EML6: variants seen among roughly 807,000 people sequenced by gnomAD.
The protein encoded by EML6 is EMAP like 6, also known as echinoderm microtubule-associated protein-like 6.
Under a neutral mutation model 240.1 loss-of-function variants are expected in EML6, and 154 were observed. The observed-to-expected ratio is 0.64, with a 90% CI of 0.56 to 0.73. EML6 has a LOEUF of 0.73. EML6 is among the 30% of genes least tolerant of loss of function. The pLI, the probability that EML6 is intolerant of heterozygous loss-of-function variation, is 0.00. For synonymous variants in EML6, 1,148 were observed against 899.0 expected, an observed-to-expected ratio of 1.28 and a Z score of -4.95; for missense variants, 2,964 against 2,474.6, an observed-to-expected ratio of 1.20 and a Z score of -4.20.
chr2:54,878,798 A>T (rs1229156355), intron 16 of EML6, among the ~76,000 whole-genome samples: 1 of 152,190 alleles, frequency 6.6e-6, no homozygotes, highest in Non-Finnish European at 1.5e-5. Context: ...AATGTTCATG[A>T]TATAATAGAT....
At position 54,790,590 on chromosome 2, in the gene EML6, T is replaced by C. The variant is rs529923843; in HGVS notation, c.198-22642T>C. Reference sequence around the variant, plus strand: ...ATTTGGAAGCCAAGGACCTACATTTTAATAGACTTAGAAGCAAGAAACTGG... The same window carrying C: ...ATTTGGAAGCCAAGGACCTACATTTCAATAGACTTAGAAGCAAGAAACTGG... On this transcript the variant is annotated intron_variant, in intron 2 of 41. Coordinates refer to ENST00000356458, the MANE Select transcript of EML6 (RefSeq NM_001039753.4). Among the ~76,000 whole-genome samples, 3 of 152,290 alleles carry C rather than the reference T, an allele frequency of 2.0e-5. No homozygotes were observed. In the East Asian group the frequency reaches 5.8e-4, roughly 29 times the overall value.
intron 26 of EML6, among the ~76,000 whole-genome samples, chr2:54,921,602 C>G (rs1312515862): frequency 6.6e-6 from 1 of 151,850 alleles, no homozygotes; most frequent in African/African-American, 2.4e-5. Context: ...TATGTAACCA[C>G]AAAAAACCTG....
At chr2:54,952,206 T>C (rs554770339) in intron 30 of EML6, among the ~76,000 whole-genome samples, 61 of 152,282 alleles carry the variant, frequency 4.0e-4, no homozygotes, top group African/African-American at 1.4e-3. Flanking sequence ...CCTCCACCCC[T>C]ACTTCTGCCC....
At chr2:54,884,785 T>C (rs984583307) in intron 17 of EML6, among the ~76,000 whole-genome samples, 11 of 152,248 alleles carry the variant, frequency 7.2e-5, no homozygotes, top group Non-Finnish European at 1.0e-4. Context: ...CTAGGAAATA[T>C]AATTTTCTGT....
intron 2 of EML6, among the ~76,000 whole-genome samples, chr2:54,801,755 A>C (rs2578716): frequency 6.6e-6 from 1 of 152,148 alleles, no homozygotes; most frequent in East Asian, 1.9e-4. Context: ...CAAAACCAAC[A>C]TCACAAACGT....
chr2:54,745,581 A>G (rs1683876035), intron 2 of EML6, among the ~76,000 whole-genome samples: 1 of 152,170 alleles, frequency 6.6e-6, no homozygotes, highest in Admixed American at 6.5e-5. Flanking sequence ...GTTCGAGATG[A>G]GCCTGGGTAA....
intron 26 of EML6, among the ~76,000 whole-genome samples, chr2:54,919,975 T>C (rs937684954): frequency 6.6e-6 from 1 of 152,202 alleles, no homozygotes; most frequent in African/African-American, 2.4e-5. Context: ...TTGTGAAGAT[T>C]TTGAAGCATA....
intron 2 of EML6, among the ~76,000 whole-genome samples, chr2:54,788,182 C>T (rs1031740837): frequency 2.6e-5 from 4 of 152,250 alleles, no homozygotes; most frequent in African/African-American, 9.6e-5. Context: ...CTCACTCGCT[C>T]GCTAGCTGCC....
At chr2:54,843,916 G>A (rs1669604236) in intron 7 of EML6, 131 bp from the exon 8 acceptor site, 1 of 661,380 alleles carries the variant, frequency 1.5e-6, no homozygotes, top group African/African-American at 1.8e-5. Context: ...TCTTTAAGAT[G>A]TGTCACATTT....
At chr2:54,806,102 T>C (rs1237842877) in intron 2 of EML6, among the ~76,000 whole-genome samples, 2 of 152,168 alleles carry the variant, frequency 1.3e-5, no homozygotes. Context: ...GACATATACA[T>C]GTATGTATAT....
At chr2:54,927,299 C>T (rs1341108350) in intron 26 of EML6, among the ~76,000 whole-genome samples, 3 of 152,308 alleles carry the variant, frequency 2.0e-5, no homozygotes, top group Non-Finnish European at 2.9e-5. Context: ...CACGAACCCT[C>T]CTGCACCTGT....
chr2:54,740,436 C>T (rs539194831), intron 2 of EML6, among the ~76,000 whole-genome samples: 35 of 152,246 alleles, frequency 2.3e-4, no homozygotes, highest in African/African-American at 7.2e-4. Flanking sequence ...GTCTGGAAAA[C>T]GGCCCAGTGG....
intron 24 of EML6, among the ~76,000 whole-genome samples, chr2:54,904,196 C>T (rs375857960): frequency 6.6e-6 from 1 of 152,008 alleles, no homozygotes; most frequent in Non-Finnish European, 1.5e-5. Flanking sequence ...AAATGGGTAC[C>T]GTGTGAGTAA....
chr2:54,830,832 A>C (rs1161973297), intron 7 of EML6, among the ~76,000 whole-genome samples: 1 of 152,200 alleles, frequency 6.6e-6, no homozygotes, highest in Admixed American at 6.5e-5. Context: ...ATCTAAGTCA[A>C]CTAATCCAGG....
intron 26 of EML6, 115 bp downstream of exon 26, chr2:54,917,050 A>G (rs1673954869): frequency 1.3e-6 from 1 of 752,984 alleles, no homozygotes; most frequent in African/African-American, 1.7e-5. Context: ...TTATCGGAGT[A>G]TTATTTATGC....
At chr2:54,876,985 A>ATTTT (rs34591538) in intron 16 of EML6, among the ~76,000 whole-genome samples, 1 of 145,946 alleles carries the variant, frequency 6.9e-6, no homozygotes, top group African/African-American at 2.5e-5. Context: ...CCAAAAAAAA[A>ATTTT]TTTTTTTTTT....
chr2:54,875,011 C>T lies in EML6; in HGVS notation c.2344+3406C>T, dbSNP rs10432676. ...TCCTAGGTGTCAGGCCTCCTCCAGCCGCTTCCCTTTGCCGATGCTAGTGTG... is the reference window on the plus strand; with the variant it reads ...TCCTAGGTGTCAGGCCTCCTCCAGCTGCTTCCCTTTGCCGATGCTAGTGTG... On this transcript the variant is annotated intron_variant, in intron 16 of 41. Transcript: ENST00000356458. Among the ~76,000 whole-genome samples, 1,352 of 152,224 alleles carry T rather than the reference C, an allele frequency of 8.9e-3. 37 individuals carry two copies. The South Asian group carries it at 0.093, about 10-fold the overall frequency.
intron 10 of EML6, among the ~76,000 whole-genome samples, chr2:54,853,344 A>G (rs527789227): frequency 1.3e-5 from 2 of 152,256 alleles, no homozygotes; most frequent in South Asian, 2.1e-4. Flanking sequence ...TGATACATTC[A>G]TGTGTTTATT....
intron 17 of EML6, among the ~76,000 whole-genome samples, chr2:54,885,291 T>C (rs949194130): frequency 7.9e-4 from 120 of 151,152 alleles, no homozygotes; most frequent in African/African-American, 2.8e-3. Context: ...ACTAAAAATA[T>C]AAAAAATTAG....
Sources: allele counts gnomAD v4.1 joint callset (sites outside exome capture counted in the v4.1 genomes callset), GRCh38; gene constraint gnomAD v4.1.1; transcripts MANE v1.5; gene names NCBI Gene and HGNC (gene_info 2026-07-23, HGNC 2026-07-21).